The following ZFHX3 variants were observed in gnomAD, a reference collection of about 807,000 sequenced individuals.
The protein encoded by ZFHX3 is zinc finger homeobox protein 3.
ZFHX3 carries 42 observed loss-of-function variants against 279.1 expected under a neutral mutation model. The ratio of observed to expected loss-of-function variants is 0.15; its 90% CI spans 0.12 to 0.19. ZFHX3 has a LOEUF of 0.19. Among genes scored for constraint, ZFHX3 ranks in the 10% least tolerant of loss-of-function variants. The probability of loss-of-function intolerance (pLI) is 1.00; values close to 1 mark genes in which losing one functional copy is unlikely to be tolerated. For synonymous variants in ZFHX3, 2,293 were observed against 1,957.8 expected (o/e 1.17, Z -4.52); for missense variants, 4,981 against 4,754.0 (o/e 1.05, Z -1.40).
At chr16:73,659,474 C>G (rs111597908) in intron 2 of ZFHX3, among the ~76,000 whole-genome samples, 2 of 152,054 alleles carry the variant, frequency 1.3e-5, no homozygotes, top group Admixed American at 6.6e-5. Flanking sequence ...TGAAGAAAAA[C>G]GAAGAGAAGT....
At chr16:73,523,195 T>C (rs560972167) in intron 2 of ZFHX3, among the ~76,000 whole-genome samples, 2 of 152,244 alleles carry the variant, frequency 1.3e-5, no homozygotes, top group African/African-American at 4.8e-5. Context: ...GGATTTATTA[T>C]AATTTGGCAA....
chr16:73,453,270 A>T (rs2018310403), intron 3 of ZFHX3, among the ~76,000 whole-genome samples: 1 of 152,158 alleles, frequency 6.6e-6, no homozygotes, highest in African/African-American at 2.4e-5. Context: ...CCCCATTGAG[A>T]GGTAGAGTCT....
intron 1 of ZFHX3, among the ~76,000 whole-genome samples, chr16:73,713,330 A>G (rs2142229064): frequency 6.6e-6 from 1 of 152,300 alleles, no homozygotes; most frequent in Middle Eastern, 3.4e-3. Flanking sequence ...CTCCATTAGC[A>G]AGTCCTACCA....
chr16:73,473,913 C>T (rs1202262593), intron 2 of ZFHX3, among the ~76,000 whole-genome samples: 1 of 152,028 alleles, frequency 6.6e-6, no homozygotes, highest in African/African-American at 2.4e-5. Flanking sequence ...CAGGCCTGCT[C>T]CCTTCTGATG....
At chr16:72,790,719 T>A (rs1367257103) in intron 9 of ZFHX3, 2 of 152,158 alleles carry the variant, frequency 1.3e-5, no homozygotes, top group African/African-American at 2.4e-5. Flanking sequence ...GACTTGTTGG[T>A]TAAATTGGCA....
At chr16:73,371,695 T>C (rs1233401608) in intron 3 of ZFHX3, among the ~76,000 whole-genome samples, 1 of 152,184 alleles carries the variant, frequency 6.6e-6, no homozygotes, top group Non-Finnish European at 1.5e-5. Flanking sequence ...AGCTTTCCTT[T>C]ATCATGCTTC....
chr16:73,419,950 AGG>A (rs1376750553), intron 3 of ZFHX3: 1 of 151,676 alleles, frequency 6.6e-6, no homozygotes, highest in African/African-American at 2.4e-5. Context: ...TCTGTCACCC[AGG>A]CTGGAGTCCA....
intron 1 of ZFHX3, among the ~76,000 whole-genome samples, chr16:73,794,841 T>C (rs1220489950): frequency 6.6e-6 from 1 of 152,354 alleles, no homozygotes; most frequent in African/African-American, 2.4e-5. Context: ...CCATCCAAAC[T>C]TTGTGCCTTT....
At chr16:73,368,588 T>C (rs1351309987) in intron 3 of ZFHX3, among the ~76,000 whole-genome samples, 1 of 152,226 alleles carries the variant, frequency 6.6e-6, no homozygotes, top group African/African-American at 2.4e-5. Flanking sequence ...ATAAGAAGTG[T>C]CACTTGAATC....
At chr16:73,842,253 A>C (rs929676629) in intron 1 of ZFHX3, among the ~76,000 whole-genome samples, 1 of 151,958 alleles carries the variant, frequency 6.6e-6, no homozygotes, top group Non-Finnish European at 1.5e-5. Context: ...AAAGAGAAAC[A>C]ATGATTGCAA....
intron 1 of ZFHX3, among the ~76,000 whole-genome samples, chr16:73,692,762 G>T (rs1472593886): frequency 6.6e-6 from 1 of 152,164 alleles, no homozygotes; most frequent in Non-Finnish European, 1.5e-5. Context: ...GAGTTTCAGT[G>T]AAAATATGCC....
intron 6 of ZFHX3, among the ~76,000 whole-genome samples, chr16:73,132,341 G>A (rs1303963065): frequency 6.6e-6 from 1 of 152,132 alleles, no homozygotes; most frequent in Admixed American, 6.5e-5. Flanking sequence ...ATTTAGAGAG[G>A]ACCCAAACTT....
At chr16:73,303,846 C>T (rs2015115006) in intron 4 of ZFHX3, among the ~76,000 whole-genome samples, 1 of 151,598 alleles carries the variant, frequency 6.6e-6, no homozygotes, top group Non-Finnish European at 1.5e-5. Context: ...AATGTGGCAC[C>T]CTCGAAACAG....
intron 1 of ZFHX3, among the ~76,000 whole-genome samples, chr16:73,748,351 T>A (rs1184512915): frequency 6.6e-6 from 1 of 152,184 alleles, no homozygotes; most frequent in East Asian, 1.9e-4. Flanking sequence ...ATTAAATCTT[T>A]CTAAAATTAC....
At chr16:73,561,097 G>T (rs1412627614) in intron 2 of ZFHX3, among the ~76,000 whole-genome samples, 9 of 152,164 alleles carry the variant, frequency 5.9e-5, no homozygotes, top group Non-Finnish European at 1.0e-4. Flanking sequence ...GAAATTATTT[G>T]TTGATTATCT....
At chr16:73,541,786 CTTTTTTTTTTTTTTTTTTT>C (rs546761843) in intron 2 of ZFHX3, among the ~76,000 whole-genome samples, 1 of 88,142 alleles carries the variant, frequency 1.1e-5, no homozygotes, top group Admixed American at 1.6e-4. Context: ...TGGTGGTTCT[CTTTTTTTTTTTTTTTTTTT>C]TTTTTTTTTT....
intron 8 of ZFHX3, among the ~76,000 whole-genome samples, chr16:73,088,227 C>T (rs573641278): frequency 6.6e-5 from 10 of 152,018 alleles, no homozygotes; most frequent in Non-Finnish European, 8.8e-5. Flanking sequence ...CTCACTGCGG[C>T]CTCAAACTCC....
In ZFHX3 at chr16:73,471,085, A is replaced by C. The variant is rs549147555; in HGVS notation, c.-1546-14827T>G. ...TTCTCTTTAGAGGAAGTAATGTAGC[A>C]CTTAATGTCTAATGACATCTATTCA... On this transcript the variant is annotated intron_variant, in intron 2 of 17. Coordinates refer to the ZFHX3 transcript ENST00000641206. Among the ~76,000 whole-genome samples, 181 of 152,310 alleles carry C rather than the reference A, an allele frequency of 1.2e-3. 2 individuals are homozygous for C. The South Asian group carries it at 0.036, about 31-fold the overall frequency.
chr16:73,206,870 T>C (rs145951675), intron 5 of ZFHX3, among the ~76,000 whole-genome samples: 8 of 151,910 alleles, frequency 5.3e-5, no homozygotes, highest in African/African-American at 1.7e-4. Flanking sequence ...ATATTAAAAT[T>C]ATCCGGGTGT....
Sources: gnomAD v4.1 joint callset for allele counts (sites outside exome capture counted in the v4.1 genomes callset) on GRCh38, gnomAD v4.1.1 for gene constraint, MANE v1.5 for transcripts, NCBI Gene and HGNC (gene_info 2026-07-23, HGNC 2026-07-21) for gene names.